The following KHDRBS2 variants were observed in gnomAD, a reference collection of about 807,000 sequenced individuals.
The protein encoded by KHDRBS2 is KH RNA binding domain containing, signal transduction associated 2.
In KHDRBS2, 26 loss-of-function variants were observed where a neutral mutation model predicts 44.3. The observed-to-expected ratio is 0.59, with a 90% CI of 0.43 to 0.81. KHDRBS2 has a LOEUF of 0.81. KHDRBS2 is among the 40% of genes least tolerant of loss of function. The pLI is 0.00. For missense variants in KHDRBS2, 476 were observed against 433.1 expected, an observed-to-expected ratio of 1.10 and a Z score of -0.88; for synonymous variants, 194 against 151.1, an observed-to-expected ratio of 1.28 and a Z score of -2.08.
chr6:61,809,032 T>A (rs777737590), intron 6 of KHDRBS2, among the ~76,000 whole-genome samples: 1 of 152,080 alleles, frequency 6.6e-6, no homozygotes, highest in Non-Finnish European at 1.5e-5. Context: ...ATAATAATGA[T>A]TTTCTGAATA....
chr6:61,770,521 G>A (rs1582723333), intron 6 of KHDRBS2, among the ~76,000 whole-genome samples: 3 of 152,306 alleles, frequency 2.0e-5, no homozygotes, highest in Middle Eastern at 6.8e-3. Context: ...ACCAAGGCAC[G>A]AGAGCTATGT....
chr6:61,665,443 C>G, the KHDRBS2 span, among the ~76,000 whole-genome samples: 1 of 151,212 alleles, frequency 6.6e-6, no homozygotes, highest in Non-Finnish European at 1.5e-5. Flanking sequence ...AGGTTGTTGG[C>G]TAATTCTGGC....
At chr6:62,023,402 A>G (rs528180878) in intron 3 of KHDRBS2, among the ~76,000 whole-genome samples, 7 of 151,794 alleles carry the variant, frequency 4.6e-5, no homozygotes, top group African/African-American at 1.7e-4. Flanking sequence ...TATTCTCTAA[A>G]GCATTGTAAT....
At chr6:61,679,461 T>C (rs576602014), downstream of KHDRBS2, among the ~76,000 whole-genome samples, 24 of 152,074 alleles carry the variant, frequency 1.6e-4, no homozygotes, top group South Asian at 4.8e-3. Flanking sequence ...TTAACATTAC[T>C]GTTGCATAGG....
chr6:61,788,486 T>C (rs1446873086), intron 6 of KHDRBS2, among the ~76,000 whole-genome samples: 4 of 151,592 alleles, frequency 2.6e-5, no homozygotes, highest in South Asian at 4.1e-4. Flanking sequence ...TGTTATACAT[T>C]TGACATGTAA....
At chr6:62,145,362 C>T (rs2150101290) in intron 2 of KHDRBS2, among the ~76,000 whole-genome samples, 1 of 150,986 alleles carries the variant, frequency 6.6e-6, no homozygotes, top group South Asian at 2.1e-4. Flanking sequence ...TCATTATATT[C>T]AATTAAAGCT....
chr6:62,069,522 C>T (rs1372869654), intron 2 of KHDRBS2, among the ~76,000 whole-genome samples: 1 of 151,630 alleles, frequency 6.6e-6, no homozygotes. Context: ...AGTGGCACTT[C>T]ATATAGGTCT....
At chr6:62,119,850 C>T (rs1160975121) in intron 2 of KHDRBS2, among the ~76,000 whole-genome samples, 1 of 152,196 alleles carries the variant, frequency 6.6e-6, no homozygotes, top group African/African-American at 2.4e-5. Flanking sequence ...TGATTCTCCT[C>T]AGGAACTACC....
chr6:61,910,765 A>C (rs961210479), intron 4 of KHDRBS2, among the ~76,000 whole-genome samples: 5 of 152,210 alleles, frequency 3.3e-5, no homozygotes, highest in African/African-American at 1.2e-4. Flanking sequence ...CTTCAGGTTA[A>C]ATTCAGGATA....
intron 7 of KHDRBS2, among the ~76,000 whole-genome samples, chr6:61,708,301 A>G (rs1769920113): frequency 6.6e-6 from 1 of 151,604 alleles, no homozygotes; most frequent in Non-Finnish European, 1.5e-5. Flanking sequence ...AAGAAGCAGA[A>G]ATATCTCAAC....
In KHDRBS2 at chr6:62,278,387, A is replaced by T. The variant is rs535629946; in HGVS notation, c.91+7471T>A. Among the ~76,000 whole-genome samples the T allele has an allele frequency of 2.0e-5, 3 of 152,176 alleles. No individual in the cohort carries two copies. In the East Asian group the frequency reaches 5.8e-4, roughly 29 times the overall value. On this transcript the variant is annotated intron_variant, in intron 1 of 8. Coordinates refer to ENST00000281156, the MANE Select transcript of KHDRBS2 (RefSeq NM_152688.4). ...CACTATAGACTGTATACATAAAGAGAAACTGAGAATAATGATCAGTTATGT... is the reference window on the plus strand; with the variant it reads ...CACTATAGACTGTATACATAAAGAGTAACTGAGAATAATGATCAGTTATGT...
intron 2 of KHDRBS2, among the ~76,000 whole-genome samples, chr6:62,083,696 G>C (rs1244590707): frequency 6.6e-6 from 1 of 152,170 alleles, no homozygotes; most frequent in African/African-American, 2.4e-5. Context: ...GGGGTTGAGA[G>C]CTGTGGGCTG....
At chr6:61,640,931 TC>T in the KHDRBS2 span, among the ~76,000 whole-genome samples, 4,036 of 152,240 alleles carry the variant, frequency 0.027, 174 homozygotes, top group African/African-American at 0.092. Flanking sequence ...GTTGCTACTT[TC>T]TTAGACAAAC....
intron 2 of KHDRBS2, among the ~76,000 whole-genome samples, chr6:62,107,714 C>A (rs1305306536): frequency 1.3e-5 from 2 of 152,152 alleles, no homozygotes; most frequent in Non-Finnish European, 2.9e-5. Flanking sequence ...CTACAATAAC[C>A]AAAACAGCAT....
chr6:62,070,655 CA>C (rs984291685), intron 2 of KHDRBS2, among the ~76,000 whole-genome samples: 1 of 152,142 alleles, frequency 6.6e-6, no homozygotes, highest in African/African-American at 2.4e-5. Flanking sequence ...CATGCCCCTA[CA>C]AAGGACATGA....
At chr6:61,995,352 C>T (rs1584036992) in intron 3 of KHDRBS2, among the ~76,000 whole-genome samples, 1 of 152,176 alleles carries the variant, frequency 6.6e-6, no homozygotes, top group East Asian at 1.9e-4. Flanking sequence ...TTTTGCTTTA[C>T]TTTTTAACAT....
intron 6 of KHDRBS2, among the ~76,000 whole-genome samples, chr6:61,848,549 A>G (rs1794915286): frequency 1.9e-5 from 1 of 53,006 alleles, no homozygotes; most frequent in African/African-American, 1.9e-4. Context: ...ATGTATATAT[A>G]TACATATATA....
At chr6:61,546,286 A>G in the KHDRBS2 span, among the ~76,000 whole-genome samples, 1 of 151,972 alleles carries the variant, frequency 6.6e-6, no homozygotes, top group Non-Finnish European at 1.5e-5. Context: ...TTTATGAAAT[A>G]GAATGTAAAA....
At chr6:61,937,432 C>T (rs139033081) in intron 4 of KHDRBS2, among the ~76,000 whole-genome samples, 59 of 152,136 alleles carry the variant, frequency 3.9e-4, no homozygotes, top group South Asian at 8.3e-4. Flanking sequence ...CTAACTACTA[C>T]ACAACGTCAC....
Sources: allele counts gnomAD v4.1 joint callset (sites outside exome capture counted in the v4.1 genomes callset), GRCh38; gene constraint gnomAD v4.1.1; transcripts MANE v1.5; gene names NCBI Gene and HGNC (gene_info 2026-07-23, HGNC 2026-07-21).